The following KIRREL3 variants were observed in gnomAD, a reference collection of about 807,000 sequenced individuals.
KIRREL3 encodes the protein kin of IRRE-like protein 3.
In KIRREL3, 36 loss-of-function variants were observed where a neutral mutation model predicts 89.7. The ratio of observed to expected loss-of-function variants is 0.40; its 90% CI spans 0.31 to 0.53. The LOEUF is 0.53. Among genes scored for constraint, KIRREL3 ranks in the 20% least tolerant of loss-of-function variants. The pLI is 0.49. For missense variants in KIRREL3, 864 were observed against 1,056.6 expected (o/e 0.82, Z 2.53); for synonymous variants, 445 against 441.4 (o/e 1.01, Z -0.10).
intron 6 of KIRREL3, among the ~76,000 whole-genome samples, chr11:126,458,032 G>A (rs1387284337): frequency 1.3e-5 from 2 of 151,878 alleles, no homozygotes; most frequent in East Asian, 1.9e-4. Context: ...CGGCACCCCC[G>A]GGGCATCCAC....
Position 126,778,046 on chromosome 11 carries a change from A to G in KIRREL3, c.56-215134T>C, listed in dbSNP as rs75390743. On this transcript the variant is annotated intron_variant, in intron 1 of 16. Transcript: ENST00000525144. The surrounding 1 kb of genome is among the most constrained non-coding windows in gnomAD (Gnocchi z 4.5). ...TATGAGAAATACATGCTCATTGTAG[A>G]AAAAAAAAAAAAAAGAAAAACTATA... Among the ~76,000 whole-genome samples the G allele has an allele frequency of 1.3e-3, 132 of 99,062 alleles. 1 individual carries two copies. The South Asian group carries it at 0.032, about 24-fold the overall frequency. The allele number at this position is 99,062 out of a possible 152,430, so 65.0% of individuals were successfully genotyped here.
chr11:126,775,438 C>T (rs987001456), intron 1 of KIRREL3, among the ~76,000 whole-genome samples: 6 of 152,140 alleles, frequency 3.9e-5, no homozygotes, highest in Admixed American at 6.6e-5. Flanking sequence ...CCCATCTTGA[C>T]TCCCTGTGAG....
rs1253825473 is a variant in KIRREL3 at position 126,937,712 on chromosome 11, A to G, written c.55+62743T>C. 4.0e-5 allele frequency among the ~76,000 whole-genome samples: 6 copies of G among 151,802 alleles called. 1 individual carries two copies. The South Asian group carries it at 8.3e-4, about 21-fold the overall frequency. On this transcript the variant is annotated intron_variant, in intron 1 of 16. Coordinates refer to ENST00000525144, the MANE Select transcript of KIRREL3 (RefSeq NM_032531.4). ...CAGGAGATCAAGACCATCCTGGCTA[A>G]CACAGTGAAACCCCATCTCTACTAA...
At chr11:126,518,200 G>A (rs562386381) in intron 4 of KIRREL3, among the ~76,000 whole-genome samples, 5 of 152,312 alleles carry the variant, frequency 3.3e-5, no homozygotes, top group Admixed American at 1.3e-4. Flanking sequence ...GAAACACAAC[G>A]CTAATTAATG....
In KIRREL3 at chr11:126,996,811, C is replaced by G. The variant is rs1179202566; in HGVS notation, c.55+3644G>C. On this transcript the variant is annotated intron_variant, in intron 1 of 16. Coordinates refer to ENST00000525144, the MANE Select transcript of KIRREL3 (RefSeq NM_032531.4). The surrounding 1 kb of genome is among the most constrained non-coding windows in gnomAD (Gnocchi z 4.7). ...GTAAATGCAAGTTTTCACTTTTACC[C>G]CAATACAGTACAGTGTGCATGCAAA... Among the ~76,000 whole-genome samples, 1 of 152,166 alleles carries G rather than the reference C, an allele frequency of 6.6e-6. No individual in the cohort carries two copies. Among genetic ancestry groups the G allele is most frequent in the African/African-American group, 2.4e-5 (1 of 41,442 alleles).
intron 10 of KIRREL3, among the ~76,000 whole-genome samples, chr11:126,444,641 A>C (rs942603407): frequency 2.0e-5 from 3 of 152,198 alleles, no homozygotes; most frequent in African/African-American, 7.2e-5. Flanking sequence ...GGCCATGGTG[A>C]GTGGATGAAA....
intron 1 of KIRREL3, among the ~76,000 whole-genome samples, chr11:126,660,438 C>T (rs73030573): frequency 0.11 from 16,559 of 152,174 alleles, 1,179 homozygotes; most frequent in Middle Eastern, 0.22. Flanking sequence ...GTTCCAAAGC[C>T]GGTAAAAATG....
chr11:126,503,356 A>G (rs1957923824), intron 4 of KIRREL3, among the ~76,000 whole-genome samples: 1 of 152,068 alleles, frequency 6.6e-6, no homozygotes, highest in Admixed American at 6.5e-5. Flanking sequence ...CAGAGGAGGA[A>G]CCATCTCTAA....
In KIRREL3 at chr11:126,519,207, C is replaced by T. The variant is rs1197215467; in HGVS notation, c.433+2108G>A. On this transcript the variant is annotated intron_variant, in intron 4 of 16. Transcript: ENST00000525144. This position sits in a 1 kb window ranked among gnomAD's most constrained non-coding sequence, Gnocchi z 4.3. ...GGGAGCGAATGCCTTTTAGACATGA[C>T]CTAAGACAAAATCGGGTCTGTTCAG... Among the ~76,000 whole-genome samples the T allele has an allele frequency of 1.3e-5, 2 of 152,206 alleles. No homozygotes were observed. The highest frequency in any genetic ancestry group is 4.1e-4 in the South Asian group (2 of 4,828).
chr11:126,951,984 G>C (rs1591374150), intron 1 of KIRREL3, among the ~76,000 whole-genome samples: 1 of 152,196 alleles, frequency 6.6e-6, no homozygotes, highest in Non-Finnish European at 1.5e-5. Context: ...TGATGAGCCA[G>C]AGTTCAAAAT....
At chr11:126,552,103 T>G (rs1939313269) in intron 2 of KIRREL3, among the ~76,000 whole-genome samples, 1 of 152,266 alleles carries the variant, frequency 6.6e-6, no homozygotes, top group Non-Finnish European at 1.5e-5. Flanking sequence ...GTATTGGATT[T>G]CCTTCATTTT....
At chr11:126,493,794 A>G (rs189634806) in intron 4 of KIRREL3, among the ~76,000 whole-genome samples, 1 of 152,024 alleles carries the variant, frequency 6.6e-6, no homozygotes, top group Non-Finnish European at 1.5e-5. Context: ...GGGCAAACAC[A>G]TGGTGACAGG....
At position 126,516,251 on chromosome 11, in the gene KIRREL3, C is replaced by T. The variant is rs190169405; in HGVS notation, c.433+5064G>A. On this transcript the variant is annotated intron_variant, in intron 4 of 16. Coordinates refer to ENST00000525144, the MANE Select transcript of KIRREL3 (RefSeq NM_032531.4). The surrounding 1 kb of genome is among the most constrained non-coding windows in gnomAD (Gnocchi z 4.9). ...TTGATTTAGGAAGCTTTATTTCTAACGGGAGCCACAAGACAGCAGAGTTAA... is the reference window on the plus strand; with the variant it reads ...TTGATTTAGGAAGCTTTATTTCTAATGGGAGCCACAAGACAGCAGAGTTAA... 2.7e-3 allele frequency among the ~76,000 whole-genome samples: 405 copies of T among 152,174 alleles called. No individual in the cohort carries two copies. The highest frequency in any genetic ancestry group is 7.2e-3 in the African/African-American group (299 of 41,518).
intron 1 of KIRREL3, among the ~76,000 whole-genome samples, chr11:126,933,700 A>G (rs958231534): frequency 3.9e-5 from 6 of 151,982 alleles, no homozygotes; most frequent in Admixed American, 2.0e-4. Context: ...ACAATAGCAT[A>G]AATAGCATTA....
In KIRREL3 at chr11:126,807,798, C is replaced by T. The variant is rs958515948; in HGVS notation, c.55+192657G>A. The stretch of plus-strand genomic sequence containing the variant: ...TAATGGGTGCTGCTGATGGCTATCG[C>T]TGATGTAGTGTTTACCCACTACCAG... On this transcript the variant is annotated intron_variant, in intron 1 of 16. Coordinates refer to ENST00000525144, the MANE Select transcript of KIRREL3 (RefSeq NM_032531.4). The surrounding 1 kb of genome is among the most constrained non-coding windows in gnomAD (Gnocchi z 4.3). Among the ~76,000 whole-genome samples, 1 of 152,198 alleles carries T rather than the reference C, an allele frequency of 6.6e-6. No homozygotes were observed. The highest frequency in any genetic ancestry group is 2.4e-5 in the African/African-American group (1 of 41,442).
intron 1 of KIRREL3, among the ~76,000 whole-genome samples, chr11:126,667,318 C>A (rs1341129772): frequency 6.6e-6 from 1 of 152,234 alleles, no homozygotes; most frequent in Non-Finnish European, 1.5e-5. Context: ...AGTTGCTTGA[C>A]AAACATTTCT....
Position 126,430,151 on chromosome 11 carries a change from GA to G in KIRREL3, c.1697-864del, listed in dbSNP as rs1955077001. Among the ~76,000 whole-genome samples, 1 of 136,986 alleles carries G rather than the reference GA, an allele frequency of 7.3e-6. No individual in the cohort carries two copies. Among genetic ancestry groups the G allele is most frequent in the African/African-American group, 3.0e-5 (1 of 33,662 alleles). The allele number at this position is 136,986 out of a possible 152,430, so 89.9% of individuals were successfully genotyped here. ...AGACTCTGTCTCAAAAAAAAAAAAGGAAATTCTTGAGGAGCTGGTGCGGTGG... is the reference window on the plus strand; with the variant it reads ...AGACTCTGTCTCAAAAAAAAAAAAGGAATTCTTGAGGAGCTGGTGCGGTGG... On this transcript the variant is annotated intron_variant, in intron 14 of 16. Transcript: ENST00000525144. The surrounding 1 kb of genome is among the most constrained non-coding windows in gnomAD (Gnocchi z 6.6).
intron 1 of KIRREL3, among the ~76,000 whole-genome samples, chr11:126,916,512 G>A (rs1947045812): frequency 6.6e-6 from 1 of 152,074 alleles, no homozygotes; most frequent in African/African-American, 2.4e-5. Flanking sequence ...AGGAATATGA[G>A]GGAGAGAGAA....
intron 1 of KIRREL3, among the ~76,000 whole-genome samples, chr11:126,968,858 C>T (rs751527447): frequency 6.6e-6 from 1 of 152,146 alleles, no homozygotes; most frequent in Admixed American, 6.5e-5. Flanking sequence ...CACCTACCAA[C>T]TAGCTTACTG....
Sources: gnomAD v4.1 joint callset for allele counts (sites outside exome capture counted in the v4.1 genomes callset) on GRCh38, gnomAD v4.1.1 for gene constraint, Gnocchi (gnomAD v3.1) non-coding constraint, MANE v1.5 for transcripts, NCBI Gene and HGNC (gene_info 2026-07-23, HGNC 2026-07-21) for gene names.